NCOA1: variants seen among roughly 807,000 people sequenced by gnomAD.
The protein encoded by NCOA1 is Hin-2 protein.
Under a neutral mutation model 150.9 loss-of-function variants are expected in NCOA1, and 35 were observed. That is an observed-to-expected ratio of 0.23 (90% CI 0.18 to 0.31). The LOEUF (loss-of-function observed/expected upper bound fraction) is 0.31, where lower values mean the gene tolerates loss of function less well. Among genes scored for constraint, NCOA1 ranks in the 10% least tolerant of loss-of-function variants. The pLI is 1.00. For synonymous variants in NCOA1, 590 were observed against 630.0 expected (o/e 0.94, Z 0.95); for missense variants, 1,491 against 1,749.3 (o/e 0.85, Z 2.63).
Position 24,696,899 on chromosome 2 carries a change from A to G in NCOA1, c.809-759A>G, listed in dbSNP as rs529154453. 9.9e-5 allele frequency among the ~76,000 whole-genome samples: 15 copies of G among 151,802 alleles called. No homozygotes were observed. In the South Asian group the frequency reaches 2.3e-3, roughly 23 times the overall value. ...ATTTATATATATATATTCTATATAT[A>G]TCTTGTATTATTTTGTGTGACTGTA... is the stretch of plus-strand genomic sequence containing the variant. On this transcript the variant is annotated intron_variant, in intron 10 of 22. Transcript: ENST00000348332.
In NCOA1 at chr2:24,639,293, A is replaced by T. The variant is rs771372699; in HGVS notation, c.-174-4673A>T. The stretch of plus-strand genomic sequence containing the variant: ...GGTTATTTTAATAAATAAAATAAAA[A>T]AATTAATTTTTTGAGATTTTTCATG... On this transcript the variant is annotated intron_variant, in intron 3 of 22. Transcript: ENST00000348332. Among the ~76,000 whole-genome samples the T allele has an allele frequency of 2.6e-5, 4 of 152,180 alleles. No homozygotes were observed. In the South Asian group the frequency reaches 6.2e-4, roughly 24 times the overall value.
chr2:24,707,959 G>A (rs1425139087), intron 13 of NCOA1, 71 bp downstream of exon 13: 2 of 1,483,102 alleles, frequency 1.3e-6, no homozygotes, highest in Admixed American at 4.8e-5. Flanking sequence ...TATTCCATCT[G>A]TAGACCAGAT....
intron 15 of NCOA1, 138 bp from the exon 16 acceptor site, chr2:24,728,170 C>T (rs760887397): frequency 5.5e-5 from 32 of 578,468 alleles, no homozygotes; most frequent in Non-Finnish European, 8.3e-5. Flanking sequence ...AAACATAGAA[C>T]ATTCCATGGC....
chr2:24,761,390 C>T (rs1664788632), intron 21 of NCOA1, among the ~76,000 whole-genome samples: 1 of 152,166 alleles, frequency 6.6e-6, no homozygotes, highest in Non-Finnish European at 1.5e-5. Flanking sequence ...AATATCTAAT[C>T]TGTTTATACA....
At chr2:24,699,730 C>T (rs1168875261) in intron 11 of NCOA1, among the ~76,000 whole-genome samples, 1 of 152,088 alleles carries the variant, frequency 6.6e-6, no homozygotes, top group African/African-American at 2.4e-5. Context: ...AGTATCTAGC[C>T]AGATATGAGA....
Position 24,491,558 on chromosome 2 carries a change from A to AGGC in NCOA1, c.-440_-439insGGC, listed in dbSNP as rs1254458658. ...GGCGGCGCCGCCGCCACGGTCGCGG[A>AGGC]CGAGTGCGGCGCCGGTGAGCGGGGC... On this transcript the variant is annotated 5_prime_UTR_variant, in exon 1 of 23. Transcript: ENST00000348332. 1.0e-3 allele frequency among the ~76,000 whole-genome samples: 8 copies of AGGC among 7,656 alleles called. No individual in the cohort carries two copies. Among genetic ancestry groups the AGGC allele is most frequent in the African/African-American group, 3.0e-3 (5 of 1,658 alleles). The allele number at this position is 7,656 out of a possible 152,430, so 5.0% of individuals were successfully genotyped here. A position where few individuals can be genotyped will look rare whatever the true frequency, so the allele number is the denominator to read the frequency against.
intron 17 of NCOA1, among the ~76,000 whole-genome samples, chr2:24,734,540 AC>A (rs1055615749): frequency 2.6e-5 from 4 of 151,916 alleles, no homozygotes; most frequent in Non-Finnish European, 4.4e-5. Flanking sequence ...TACACCTATA[AC>A]CCCCCCATTT....
At chr2:24,750,050 CAAAA>C (rs998704675) in intron 19 of NCOA1, among the ~76,000 whole-genome samples, 1 of 149,540 alleles carries the variant, frequency 6.7e-6, no homozygotes, top group Non-Finnish European at 1.5e-5. Flanking sequence ...CAAAACAAAA[CAAAA>C]AAAACCCTAG....
chr2:24,747,327 C>CTTTTTTTTTTTTT (rs148901218), intron 19 of NCOA1, among the ~76,000 whole-genome samples: 2 of 120,166 alleles, frequency 1.7e-5, no homozygotes, highest in African/African-American at 3.1e-5. Context: ...TTATTTTTCT[C>CTTTTTTTTTTTTT]TTTTTTTTTT....
At chr2:24,700,829 C>T (rs1341474950) in intron 11 of NCOA1, among the ~76,000 whole-genome samples, 1 of 152,138 alleles carries the variant, frequency 6.6e-6, no homozygotes, top group South Asian at 2.1e-4. Flanking sequence ...ACTACTGAAT[C>T]AGAGTCTATA....
intron 22 of NCOA1, among the ~76,000 whole-genome samples, chr2:24,763,831 AG>A (rs1664918529): frequency 6.6e-6 from 1 of 151,742 alleles, no homozygotes; most frequent in Non-Finnish European, 1.5e-5. Flanking sequence ...CATTTTGACC[AG>A]GCCGGTCTCG....
intron 1 of NCOA1, among the ~76,000 whole-genome samples, chr2:24,550,540 T>C (rs1026990879): frequency 1.3e-5 from 2 of 152,112 alleles, no homozygotes; most frequent in South Asian, 2.1e-4. Context: ...ATGAGAACAG[T>C]ATGGGAAAAG....
chr2:24,628,326 T>C (rs574788804), intron 3 of NCOA1, among the ~76,000 whole-genome samples: 1 of 151,832 alleles, frequency 6.6e-6, no homozygotes, highest in Non-Finnish European at 1.5e-5. Flanking sequence ...AAATCTGTTA[T>C]GTACCCCACC....
chr2:24,606,059 A>G (rs552683162), intron 3 of NCOA1, among the ~76,000 whole-genome samples: 32 of 152,166 alleles, frequency 2.1e-4, no homozygotes, highest in Non-Finnish European at 4.3e-4. Context: ...ACCTTTATGA[A>G]GCAAGGAGGT....
At chr2:24,575,613 A>C (rs1171830329) in intron 2 of NCOA1, among the ~76,000 whole-genome samples, 2 of 141,678 alleles carry the variant, frequency 1.4e-5, no homozygotes, top group Non-Finnish European at 3.0e-5. Flanking sequence ...TCGCTCTGTC[A>C]CCCAGGCTGG....
At chr2:24,701,887 G>A (rs1222461031) in intron 11 of NCOA1, among the ~76,000 whole-genome samples, 2 of 152,158 alleles carry the variant, frequency 1.3e-5, no homozygotes, top group Admixed American at 6.5e-5. Context: ...GCATGAGCCT[G>A]TAATCCCAGC....
At chr2:24,557,482 AC>A (rs976573464) in intron 1 of NCOA1, among the ~76,000 whole-genome samples, 3 of 150,200 alleles carry the variant, frequency 2.0e-5, no homozygotes, top group African/African-American at 4.9e-5. Flanking sequence ...CGTCTTTGCT[AC>A]CCCCTCCCCC....
rs769903424 is a variant in NCOA1 at position 24,768,360 on chromosome 2, A to C, written c.4295A>C (p.Lys1432Thr). ...SGPQTPQAQQ[K>T]SLLQQLLTE ...CCACAGACCCCCCAGGCCCAGCAGA[A>C]GAGCCTCCTTCAGCAGCTACTGACT... is the stretch of plus-strand genomic sequence containing the variant. The change falls in exon 23 of 23, where the codon AAG becomes ACG. Residue 1432 changes from lysine to threonine, a missense_variant. Lys to Thr is a moderately conservative substitution (Grantham distance 78, BLOSUM62 -1). Transcript: ENST00000348332. 6.2e-7 allele frequency: 1 copy of C among 1,612,968 alleles called. No homozygotes were observed. The highest frequency in any genetic ancestry group is 1.3e-5 in the African/African-American group (1 of 74,874).
chr2:24,565,938 C>T (rs573701233), intron 2 of NCOA1, among the ~76,000 whole-genome samples: 1 of 152,190 alleles, frequency 6.6e-6, no homozygotes, highest in Non-Finnish European at 1.5e-5. Flanking sequence ...AACTGCAGAG[C>T]TCCAAAGAGG....
Sources: gnomAD v4.1 joint callset for allele counts (sites outside exome capture counted in the v4.1 genomes callset) on GRCh38, gnomAD v4.1.1 for gene constraint, MANE v1.5 for transcripts, NCBI Gene and HGNC (gene_info 2026-07-23, HGNC 2026-07-21) for gene names.